Variants in PLS3 observed in about 807,000 individuals in gnomAD.
PLS3 encodes the protein plastin 3.
PLS3 carries 11 observed loss-of-function variants against 46.5 expected under a neutral mutation model. The ratio of observed to expected loss-of-function variants is 0.24; its 90% CI spans 0.15 to 0.39. The LOEUF (loss-of-function observed/expected upper bound fraction) is 0.39. PLS3 is among the 10% of genes least tolerant of loss of function. The pLI is 1.00. For synonymous variants in PLS3, 167 were observed against 162.2 expected (o/e 1.03, Z -0.22); for missense variants, 308 against 461.8 (o/e 0.67, Z 3.05).
intron 1 of PLS3, among the ~76,000 whole-genome samples, chrX:115,569,035 C>CAA (rs782042707): frequency 1.8e-4 from 17 of 94,272 alleles, no homozygotes; most frequent in African/African-American, 7.6e-4. Context: ...GACTCCGTTT[C>CAA]AAAAAAAAAA....
chrX:115,635,774 G>C (rs1287247169), intron 7 of PLS3, among the ~76,000 whole-genome samples: 1 of 109,553 alleles, frequency 9.1e-6, no homozygotes, highest in Non-Finnish European at 1.9e-5. Context: ...TGGATCACTT[G>C]AGGCCAGGAG....
At chrX:115,641,054 A>G (rs946101519) in intron 9 of PLS3, among the ~76,000 whole-genome samples, 5 of 110,604 alleles carry the variant, frequency 4.5e-5, no homozygotes, top group Non-Finnish European at 7.6e-5. Flanking sequence ...TTGTTCATCC[A>G]TAAAGTAAGG....
chrX:115,577,968 C>G (rs1468835215), intron 1 of PLS3, among the ~76,000 whole-genome samples: 2 of 111,832 alleles, frequency 1.8e-5, no homozygotes, highest in Non-Finnish European at 3.8e-5. Context: ...GTCAATGAAA[C>G]AGACAAAAAT....
chrX:115,622,222 TGC>T, intron 2 of PLS3, 22 bp from the exon 3 acceptor site: 1 of 1,177,942 alleles, frequency 8.5e-7, no homozygotes, highest in Non-Finnish European at 1.1e-6. Flanking sequence ...TTTCCTTTTT[TGC>T]TTGCTCTCCT....
At chrX:115,590,865 C>T (rs1337962852) in intron 1 of PLS3, among the ~76,000 whole-genome samples, 6 of 108,029 alleles carry the variant, frequency 5.6e-5, no homozygotes, top group African/African-American at 2.0e-4. Flanking sequence ...TGGCCGGGCG[C>T]GGTGGCTCGC....
chrX:115,601,461 TAA>T (rs113779727), intron 1 of PLS3, among the ~76,000 whole-genome samples: 4,614 of 87,739 alleles, frequency 0.053, 290 homozygotes, highest in African/African-American at 0.18. Flanking sequence ...GCAGATCTGA[TAA>T]AAAAAAAAAA....
At chrX:115,563,941 AACTAGGTT>A (rs782078091) in intron 1 of PLS3, among the ~76,000 whole-genome samples, 5 of 112,303 alleles carry the variant, frequency 4.5e-5, no homozygotes, top group Non-Finnish European at 9.4e-5. Context: ...ATTACCACTC[AACTAGGTT>A]ACAGTGGTAG....
intron 1 of PLS3, among the ~76,000 whole-genome samples, chrX:115,597,802 T>C (rs1556634055): frequency 1.8e-5 from 2 of 111,658 alleles, no homozygotes; most frequent in Non-Finnish European, 3.8e-5. Context: ...CTAATCAGTG[T>C]ATATAATAAT....
At chrX:115,573,699 CA>C (rs2074230819) in intron 1 of PLS3, among the ~76,000 whole-genome samples, 1 of 111,360 alleles carries the variant, frequency 9.0e-6, no homozygotes. Flanking sequence ...CTTCTGGCCA[CA>C]GACTTTATTT....
intron 1 of PLS3, chrX:115,593,633 G>C (rs189407165): frequency 5.8e-4 from 64 of 111,227 alleles, no homozygotes; most frequent in Non-Finnish European, 1.1e-3. Context: ...CTCTCAGCGG[G>C]TAACTATTTT....
At chrX:115,639,274 C>T (rs1165529352) in intron 8 of PLS3, among the ~76,000 whole-genome samples, 1 of 111,757 alleles carries the variant, frequency 8.9e-6, no homozygotes, top group African/African-American at 3.3e-5. Context: ...TGCTATGCCC[C>T]CAAATGATAG....
At chrX:115,583,155 T>G (rs1430351582) in intron 1 of PLS3, among the ~76,000 whole-genome samples, 1 of 112,556 alleles carries the variant, frequency 8.9e-6, no homozygotes, top group Non-Finnish European at 1.9e-5. Flanking sequence ...ATAGATGAAT[T>G]ACACCTGGCA....
chrX:115,596,506 C>T (rs782024625), intron 1 of PLS3, among the ~76,000 whole-genome samples: 45 of 111,291 alleles, frequency 4.0e-4, no homozygotes, highest in African/African-American at 1.4e-3. Flanking sequence ...AGGGGAGGAA[C>T]GGGTTAGCAA....
At chrX:115,570,228 C>A (rs1405508246) in intron 1 of PLS3, among the ~76,000 whole-genome samples, 2 of 110,999 alleles carry the variant, frequency 1.8e-5, no homozygotes, top group African/African-American at 6.6e-5. Context: ...AGCCACCGCG[C>A]CTGGGCCAGC....
chrX:115,575,417 C>T (rs1436776023), intron 1 of PLS3, among the ~76,000 whole-genome samples: 8 of 110,770 alleles, frequency 7.2e-5, no homozygotes, highest in African/African-American at 1.0e-4. Context: ...TGATTAAGCA[C>T]TACCGATTTT....
Position 115,601,705 on chromosome X carries a change from C to T in PLS3, c.-8-8538C>T, listed in dbSNP as rs782045862. ...GACATGAGGTGATAAACAGATATGA[C>T]GGAAGAATCTCAGATATTGCAAGGC... On this transcript the variant is annotated intron_variant, in intron 1 of 15. Coordinates refer to ENST00000355899, the MANE Select transcript of PLS3 (RefSeq NM_005032.7). 3.6e-5 allele frequency among the ~76,000 whole-genome samples: 4 copies of T among 110,163 alleles called. No individual in the cohort carries two copies. The Admixed American group carries it at 3.9e-4, about 11-fold the overall frequency.
At position 115,636,816 on chromosome X, in the gene PLS3, T is replaced by TC. The variant is rs1556640295; in HGVS notation, c.749-20_749-19insC. 3.0e-6 allele frequency: 1 copy of TC among 329,446 alleles called. No individual in the cohort carries two copies. The allele number at this position is 329,446 out of a possible 1,213,427, so 27.2% of individuals were successfully genotyped here. A position where few individuals can be genotyped will look rare whatever the true frequency, so the allele number is the denominator to read the frequency against. On this transcript the variant is annotated intron_variant, in intron 7 of 15. Coordinates refer to ENST00000355899, the MANE Select transcript of PLS3 (RefSeq NM_005032.7). ...ATTGTGTCATATAATAACTGTGGGATTTTTTTTTTTTTCTTCTAGCCTTGG... is the reference window on the plus strand; with the variant it reads ...ATTGTGTCATATAATAACTGTGGGATCTTTTTTTTTTTTCTTCTAGCCTTGG...
At chrX:115,627,389 C>CT (rs1260036813) in intron 3 of PLS3, among the ~76,000 whole-genome samples, 1 of 111,557 alleles carries the variant, frequency 9.0e-6, no homozygotes. Context: ...ATTGCAGGGA[C>CT]TTGTGGTATG....
At chrX:115,576,610 T>G (rs1260520947) in intron 1 of PLS3, among the ~76,000 whole-genome samples, 1 of 111,621 alleles carries the variant, frequency 9.0e-6, no homozygotes, top group East Asian at 2.8e-4. Context: ...GACCCCAGAT[T>G]CACCAGATCA....
Sources: allele counts gnomAD v4.1 joint callset (sites outside exome capture counted in the v4.1 genomes callset), GRCh38; gene constraint gnomAD v4.1.1; transcripts MANE v1.5; gene names NCBI Gene and HGNC (gene_info 2026-07-23, HGNC 2026-07-21).